The following LRIG1 variants were observed in gnomAD, a reference collection of about 807,000 sequenced individuals.
LRIG1 encodes the protein leucine rich repeats and immunoglobulin like domains 1, also known as leucine-rich repeats and immunoglobulin-like domains protein 1.
In LRIG1, 48 loss-of-function variants were observed where a neutral mutation model predicts 99.2. That is an observed-to-expected ratio of 0.48 (90% CI 0.38 to 0.62). LRIG1 has a LOEUF of 0.62. Among genes scored for constraint, LRIG1 ranks in the 20% least tolerant of loss-of-function variants. The pLI, the probability that LRIG1 is intolerant of heterozygous loss-of-function variation, is 0.00. For missense variants in LRIG1, 1,646 were observed against 1,434.4 expected (o/e 1.15, Z -2.38); for synonymous variants, 772 against 596.1 (o/e 1.29, Z -4.30).
chr3:66,483,137 A>C (rs1309536725), intron 1 of LRIG1, among the ~76,000 whole-genome samples: 2 of 152,094 alleles, frequency 1.3e-5, no homozygotes, highest in Non-Finnish European at 2.9e-5. Flanking sequence ...GCTTCCCTAC[A>C]GCATCACAGT....
rs1055335215 is a variant in LRIG1 at position 66,440,282 on chromosome 3, A to G, written c.365+11277T>C. ...GATTTAACTGCCCTGAGACGTAGAC[A>G]TCTAGATTTTTTTAAGCTCCCTAGG... On this transcript the variant is annotated intron_variant, in intron 3 of 18. Transcript: ENST00000273261. Among the ~76,000 whole-genome samples the G allele has an allele frequency of 4.6e-5, 7 of 152,080 alleles. No homozygotes were observed. In the East Asian group the frequency reaches 7.7e-4, roughly 17 times the overall value.
chr3:66,473,283 C>T (rs1322773757), intron 1 of LRIG1, among the ~76,000 whole-genome samples: 2 of 152,216 alleles, frequency 1.3e-5, no homozygotes, highest in Non-Finnish European at 2.9e-5. Flanking sequence ...GTGGGTGTAA[C>T]TACCTTTCCA....
intron 3 of LRIG1, among the ~76,000 whole-genome samples, chr3:66,434,271 A>T (rs530851439): frequency 1.3e-3 from 197 of 152,340 alleles, no homozygotes; most frequent in African/African-American, 4.5e-3. Context: ...AACAAAAAAC[A>T]ACCAAAAAAT....
intron 1 of LRIG1, among the ~76,000 whole-genome samples, chr3:66,481,061 CAGAT>C (rs796423107): frequency 1.3e-5 from 2 of 152,102 alleles, no homozygotes; most frequent in South Asian, 4.1e-4. Context: ...TGATTGAAAA[CAGAT>C]AGAAATGGCC....
chr3:66,471,469 C>T (rs1251440157), intron 1 of LRIG1, among the ~76,000 whole-genome samples: 5 of 152,098 alleles, frequency 3.3e-5, no homozygotes, highest in African/African-American at 1.2e-4. Context: ...AACCTTGGAG[C>T]CAGGTGCTCC....
chr3:66,436,590 C>T (rs1028462882), intron 3 of LRIG1, among the ~76,000 whole-genome samples: 12 of 152,170 alleles, frequency 7.9e-5, no homozygotes, highest in African/African-American at 2.9e-4. Flanking sequence ...GGTCAAAAGA[C>T]ATACAACGCA....
chr3:66,471,469 C>G (rs1251440157), intron 1 of LRIG1, among the ~76,000 whole-genome samples: 2 of 152,098 alleles, frequency 1.3e-5, no homozygotes, highest in African/African-American at 2.4e-5. Flanking sequence ...AACCTTGGAG[C>G]CAGGTGCTCC....
chr3:66,383,406 AAG>A lies in LRIG1; in HGVS notation c.2072-7_2072-6del, dbSNP rs1258497606. The A allele has an allele frequency of 6.5e-7, 1 of 1,541,050 alleles. No individual in the cohort carries two copies. Among genetic ancestry groups the A allele is most frequent in the East Asian group, 2.3e-5 (1 of 44,074 alleles). On this transcript the variant is annotated splice_region_variant and splice_polypyrimidine_tract_variant and intron_variant, in intron 14 of 18. Transcript: ENST00000273261. ...GGACCACCAAGGATGGGGTCTCTAC[AAG>A]AGAGCAACAGAGATCTTAGTCATTC... is the stretch of plus-strand genomic sequence containing the variant.
chr3:66,380,856 C>G lies in LRIG1; in HGVS notation c.2776G>C (p.Gly926Arg). 1.2e-6 allele frequency: 2 copies of G among 1,613,594 alleles called. No homozygotes were observed. The highest frequency in any genetic ancestry group is 1.1e-5 in the South Asian group (1 of 91,064). The change falls in exon 18 of 19, where the codon GGT becomes CGT. Residue 926 changes from glycine (G) to arginine (R), a missense_variant. Transcript: ENST00000273261. ...GTPGPHKMEH[G>R]GRVVCSDCNT... ...CAGTCACTGCATACGACCCGGCCACCGTGTTCTGAAGGACAGCGCCAAAGA... is the reference window on the plus strand; with the variant it reads ...CAGTCACTGCATACGACCCGGCCACGGTGTTCTGAAGGACAGCGCCAAAGA...
In LRIG1 at chr3:66,380,849, C is replaced by T. The variant is rs995150483; in HGVS notation, c.2783G>A (p.Arg928Gln). The T allele has an allele frequency of 2.5e-5, 41 of 1,613,778 alleles. No individual in the cohort carries two copies. In the East Asian group the frequency reaches 6.5e-4, roughly 25 times the overall value. The part of the protein sequence containing the change: ...PGPHKMEHGG[R>Q]VVCSDCNTEV... ...GGTGTTGCAGTCACTGCATACGACC[C>T]GGCCACCGTGTTCTGAAGGACAGCG... Residue 928 changes from arginine to glutamine, a missense_variant, in exon 18 of 19, where the codon CGG (arginine) becomes CAG (glutamine). Arg to Gln is a conservative substitution (Grantham distance 43, BLOSUM62 1). Transcript: ENST00000273261.
intron 8 of LRIG1, chr3:66,405,992 G>A (rs1178965461): frequency 3.0e-6 from 3 of 991,832 alleles, no homozygotes; most frequent in South Asian, 4.5e-5. Context: ...CACACCTGGA[G>A]ACCAGGCCCC....
chr3:66,387,836 G>A (rs332366), intron 12 of LRIG1: 10,223 of 151,470 alleles, frequency 0.067, 446 homozygotes, highest in African/African-American at 0.12. Flanking sequence ...GGTGGCTCAC[G>A]CCTATAATCC....
At chr3:66,431,451 G>C (rs1337817265) in intron 3 of LRIG1, among the ~76,000 whole-genome samples, 1 of 152,208 alleles carries the variant, frequency 6.6e-6, no homozygotes, top group African/African-American at 2.4e-5. Context: ...GAGGGTATCA[G>C]GAGGCTGCCA....
intron 3 of LRIG1, among the ~76,000 whole-genome samples, chr3:66,442,162 T>G (rs528793951): frequency 1.3e-5 from 2 of 152,220 alleles, no homozygotes; most frequent in Non-Finnish European, 2.9e-5. Context: ...TAAAAACTCT[T>G]GCCTTTAAAC....
At chr3:66,488,764 G>C (rs900237942) in intron 1 of LRIG1, among the ~76,000 whole-genome samples, 1 of 152,256 alleles carries the variant, frequency 6.6e-6, no homozygotes, top group Non-Finnish European at 1.5e-5. Flanking sequence ...AGGCAGTGCA[G>C]TGAGTAGCTG....
chr3:66,494,393 A>G (rs969928041), intron 1 of LRIG1, among the ~76,000 whole-genome samples: 1 of 152,178 alleles, frequency 6.6e-6, no homozygotes, highest in Non-Finnish European at 1.5e-5. Flanking sequence ...TTAACACAGT[A>G]AAGGTGAGGA....
Position 66,438,674 on chromosome 3 carries a change from G to A in LRIG1, c.365+12885C>T, listed in dbSNP as rs569371762. ...AGAGTTGGAATGAGCCTTGGGTTAC[G>A]TCCCGACAAGAGGACGGTGAGAGGG... On this transcript the variant is annotated intron_variant, in intron 3 of 18. Coordinates refer to ENST00000273261, the MANE Select transcript of LRIG1 (RefSeq NM_015541.3). 1.8e-4 allele frequency among the ~76,000 whole-genome samples: 28 copies of A among 152,270 alleles called. No individual in the cohort carries two copies. The South Asian group carries it at 2.5e-3, about 14-fold the overall frequency.
chr3:66,384,108 G>A lies in LRIG1; in HGVS notation c.1954C>T (p.Pro652Ser), dbSNP rs1701246881. Residue 652 changes from proline (P) to serine (S), a missense_variant, in exon 14 of 19, where the codon CCG becomes TCG. By Grantham distance (74) the Pro-to-Ser change is moderately conservative. Coordinates refer to ENST00000273261, the MANE Select transcript of LRIG1 (RefSeq NM_015541.3). Reference protein sequence around the residue: ...AARERRMHVMPDDDVFFITDV... With the variant: ...AARERRMHVMSDDDVFFITDV... Reference sequence around the variant, plus strand: ...GTGATGAAAAACACGTCGTCATCCGGCATGACATGCATGCGTCGCTCACGG... The same window carrying A: ...GTGATGAAAAACACGTCGTCATCCGACATGACATGCATGCGTCGCTCACGG... 1 of 1,614,040 alleles carries A rather than the reference G, an allele frequency of 6.2e-7. No individual in the cohort carries two copies. Among genetic ancestry groups the A allele is most frequent in the Non-Finnish European group, 8.5e-7 (1 of 1,180,046 alleles).
At position 66,380,679 on chromosome 3, in the gene LRIG1, C is replaced by T. The variant is rs529567262; in HGVS notation, c.2953G>A (p.Ala985Thr). 28 of 1,614,196 alleles carry T rather than the reference C, an allele frequency of 1.7e-5. No individual in the cohort carries two copies. Among genetic ancestry groups the T allele is most frequent in the Middle Eastern group, 1.6e-4 (1 of 6,062 alleles). The change falls in exon 18 of 19, where the codon GCT (alanine) becomes ACT (threonine). Residue 985 changes from alanine (A) to threonine (T), a missense_variant. Physicochemically the swap from Ala to Thr is moderately conservative, Grantham distance 58 (BLOSUM62 0). Transcript: ENST00000273261. Reference sequence around the variant, plus strand: ...CCTTGGCACTCGGGGCAGGACCCAGCGGCAGTCCTGCTGCACTGGTGATGT... The same window carrying T: ...CCTTGGCACTCGGGGCAGGACCCAGTGGCAGTCCTGCTGCACTGGTGATGT... The part of the protein sequence containing the change: ...SPHHQCSRTA[A>T]GSCPECQGSL...
Sources: allele counts gnomAD v4.1 joint callset (sites outside exome capture counted in the v4.1 genomes callset), GRCh38; gene constraint gnomAD v4.1.1; transcripts MANE v1.5; gene names NCBI Gene and HGNC (gene_info 2026-07-23, HGNC 2026-07-21).